Variants in LTBP1 observed in about 807,000 individuals in gnomAD.
LTBP1 encodes the protein latent transforming growth factor beta binding protein 1, also known as latent-transforming growth factor beta-binding protein 1.
Under a neutral mutation model 207.6 loss-of-function variants are expected in LTBP1, and 129 were observed. That is an observed-to-expected ratio of 0.62 (90% CI 0.54 to 0.72). The LOEUF (loss-of-function observed/expected upper bound fraction) is 0.72. Ranked by LOEUF, LTBP1 falls within the 30% of genes least tolerant of loss-of-function variation. The probability of loss-of-function intolerance (pLI) is 0.00; values close to 1 mark genes in which losing one functional copy is unlikely to be tolerated. For missense variants in LTBP1, 2,281 were observed against 2,217.2 expected, an observed-to-expected ratio of 1.03 and a Z score of -0.58; for synonymous variants, 963 against 833.7, an observed-to-expected ratio of 1.16 and a Z score of -2.67.
chr2:33,157,527 A>T (rs1438842142), intron 5 of LTBP1, among the ~76,000 whole-genome samples: 1 of 152,202 alleles, frequency 6.6e-6, no homozygotes, highest in Non-Finnish European at 1.5e-5. Context: ...TGAGACCCAG[A>T]CAGGGAGGTT....
intron 30 of LTBP1, 47 bp from the exon 31 acceptor site, chr2:33,365,286 A>G (rs370793776): frequency 2.6e-6 from 4 of 1,541,452 alleles, no homozygotes; most frequent in East Asian, 4.5e-5. Context: ...GTGTTTATAA[A>G]TAGGAATAAC....
At chr2:33,051,970 T>A (rs1365882834) in intron 3 of LTBP1, among the ~76,000 whole-genome samples, 1 of 152,222 alleles carries the variant, frequency 6.6e-6, no homozygotes, top group East Asian at 1.9e-4. Flanking sequence ...CACAAGCCAT[T>A]TGAATTTTAA....
chr2:32,984,100 T>A (rs1456306449), intron 2 of LTBP1, among the ~76,000 whole-genome samples: 3 of 151,960 alleles, frequency 2.0e-5, no homozygotes, highest in African/African-American at 7.3e-5. Context: ...TCAAGGGAGG[T>A]CCCCCAAGAA....
intron 11 of LTBP1, among the ~76,000 whole-genome samples, chr2:33,254,068 T>C (rs891221454): frequency 9.9e-5 from 15 of 151,890 alleles, no homozygotes; most frequent in Non-Finnish European, 2.1e-4. Flanking sequence ...TTTCTTTTTG[T>C]ATTTTTAGTA....
intron 2 of LTBP1, among the ~76,000 whole-genome samples, chr2:32,981,364 G>GTTTC (rs1332158940): frequency 6.6e-6 from 1 of 152,106 alleles, no homozygotes; most frequent in Admixed American, 6.5e-5. Context: ...CTGCTCAGGT[G>GTTTC]TTTCTGTTCC....
At chr2:33,358,220 T>A (rs922797654) in intron 26 of LTBP1, among the ~76,000 whole-genome samples, 4 of 152,066 alleles carry the variant, frequency 2.6e-5, no homozygotes, top group African/African-American at 4.8e-5. Flanking sequence ...AGACCAAAAC[T>A]TATAACAACC....
chr2:33,361,027 C>T (rs1427626735), intron 27 of LTBP1, among the ~76,000 whole-genome samples: 2 of 152,198 alleles, frequency 1.3e-5, no homozygotes, highest in Non-Finnish European at 1.5e-5. Context: ...CAGTTTTATT[C>T]CACTTTAAAA....
intron 5 of LTBP1, among the ~76,000 whole-genome samples, chr2:33,170,926 T>G (rs1013136679): frequency 6.6e-6 from 1 of 151,912 alleles, no homozygotes; most frequent in African/African-American, 2.4e-5. Context: ...TCTAGCAAAC[T>G]CCAACAGACC....
rs1436627782 is a variant in LTBP1 at position 33,380,451 on chromosome 2, G to A, written c.4712-8733G>A. Among the ~76,000 whole-genome samples the A allele has an allele frequency of 2.0e-5, 3 of 151,434 alleles. 1 individual carries two copies. The highest frequency in any genetic ancestry group is 4.9e-5 in the African/African-American group (2 of 40,942). On this transcript the variant is annotated intron_variant, in intron 31 of 33. Transcript: ENST00000404816. ...AAAAAAAAAAAAAAATTAGCTGGGC[G>A]TGATGGCACACGCCTTCTGAGGCAG... is the stretch of plus-strand genomic sequence containing the variant.
chr2:33,012,883 A>G (rs917454109), intron 2 of LTBP1, among the ~76,000 whole-genome samples: 1 of 152,246 alleles, frequency 6.6e-6, no homozygotes, highest in African/African-American at 2.4e-5. Flanking sequence ...TGCACAAAGT[A>G]AAATTATACT....
chr2:33,038,677 A>G (rs977524208), intron 3 of LTBP1, among the ~76,000 whole-genome samples: 1 of 152,342 alleles, frequency 6.6e-6, no homozygotes, highest in Non-Finnish European at 1.5e-5. Flanking sequence ...AAAGAGTTCG[A>G]GTTCTGAGAA....
chr2:33,282,915 T>C (rs764971997), intron 19 of LTBP1, among the ~76,000 whole-genome samples: 1 of 151,856 alleles, frequency 6.6e-6, no homozygotes, highest in Non-Finnish European at 1.5e-5. Context: ...ATACAAAAAT[T>C]AGCTGGGTGT....
chr2:33,341,541 C>T (rs1415392457), intron 24 of LTBP1, among the ~76,000 whole-genome samples: 1 of 151,510 alleles, frequency 6.6e-6, no homozygotes, highest in Non-Finnish European at 1.5e-5. Context: ...GAAACACCGT[C>T]TCTACTAAAA....
intron 2 of LTBP1, among the ~76,000 whole-genome samples, chr2:33,011,076 G>T (rs1687614841): frequency 6.6e-6 from 1 of 152,068 alleles, no homozygotes; most frequent in African/African-American, 2.4e-5. Flanking sequence ...CACTATATTG[G>T]TTGTGATACT....
chr2:33,108,183 C>T (rs1404006393), intron 3 of LTBP1, among the ~76,000 whole-genome samples: 1 of 151,960 alleles, frequency 6.6e-6, no homozygotes, highest in Admixed American at 6.6e-5. Context: ...CCTCTACTTG[C>T]CTCAGCAGGG....
At chr2:33,228,956 C>T (rs1175987304) in intron 9 of LTBP1, among the ~76,000 whole-genome samples, 6 of 152,000 alleles carry the variant, frequency 3.9e-5, no homozygotes, top group Admixed American at 3.3e-4. Context: ...ACCTCAGCCT[C>T]TGAAAGTGCT....
intron 33 of LTBP1, among the ~76,000 whole-genome samples, 189 bp downstream of exon 33, chr2:33,397,471 A>G (rs2095369120): frequency 6.6e-6 from 1 of 151,336 alleles, no homozygotes; most frequent in Non-Finnish European, 1.5e-5. Flanking sequence ...AAATGGTTAA[A>G]ATGGTAAATA....
chr2:33,229,062 T>C (rs796349604), intron 9 of LTBP1, among the ~76,000 whole-genome samples: 28 of 152,316 alleles, frequency 1.8e-4, no homozygotes, highest in African/African-American at 6.5e-4. Context: ...TTTGTTTATA[T>C]TTTGTAAAAT....
intron 32 of LTBP1, among the ~76,000 whole-genome samples, chr2:33,396,929 T>C (rs187751413): frequency 2.6e-5 from 4 of 152,362 alleles, no homozygotes; most frequent in Non-Finnish European, 5.9e-5. Flanking sequence ...ATGAGGCTAC[T>C]CTGCACAAAA....
Sources: allele counts gnomAD v4.1 joint callset (sites outside exome capture counted in the v4.1 genomes callset), GRCh38; gene constraint gnomAD v4.1.1; transcripts MANE v1.5; gene names NCBI Gene and HGNC (gene_info 2026-07-23, HGNC 2026-07-21).